The following B3GALT2 variants were observed in gnomAD, a reference collection of about 807,000 sequenced individuals.
B3GALT2 encodes the protein beta-1,3-galactosyltransferase 2, also known as UDP-Gal:betaGlcNAc beta 1,3-galactosyltransferase, polypeptide 2.
Under a neutral mutation model 33.5 loss-of-function variants are expected in B3GALT2, and 13 were observed. The observed-to-expected ratio is 0.39, with a 90% CI of 0.25 to 0.62. The LOEUF (loss-of-function observed/expected upper bound fraction) is 0.62. Ranked by LOEUF, B3GALT2 falls within the 20% of genes least tolerant of loss-of-function variation. The pLI is 0.53. For synonymous variants in B3GALT2, 195 were observed against 172.7 expected, an observed-to-expected ratio of 1.13 and a Z score of -1.01; for missense variants, 418 against 509.1, an observed-to-expected ratio of 0.82 and a Z score of 1.72.
intron 1 of B3GALT2, among the ~76,000 whole-genome samples, chr1:193,184,690 C>G (rs1431087986): frequency 6.6e-6 from 1 of 151,818 alleles, no homozygotes; most frequent in East Asian, 1.9e-4. Flanking sequence ...TTGGTGACTT[C>G]AATATTGAGA....
chr1:193,181,627 A>G lies in B3GALT2; in HGVS notation c.-65T>C. The stretch of plus-strand genomic sequence containing the variant: ...CCAAAAATGTTTTCTTCTCCTTAAT[A>G]CTATTCTTTGGCAATCATTTTCTAA... On this transcript the variant is annotated 5_prime_UTR_variant, in exon 2 of 2. Coordinates refer to ENST00000367434, the MANE Select transcript of B3GALT2 (RefSeq NM_003783.3). 2 of 1,368,122 alleles carry G rather than the reference A, an allele frequency of 1.5e-6. No individual in the cohort carries two copies. Among genetic ancestry groups the G allele is most frequent in the Non-Finnish European group, 2.0e-6 (2 of 1,001,576 alleles). 84.7% of individuals were successfully genotyped at this position (1,368,122 alleles called of 1,614,324 possible).
At chr1:193,184,842 A>G (rs1416212241) in intron 1 of B3GALT2, among the ~76,000 whole-genome samples, 1 of 151,954 alleles carries the variant, frequency 6.6e-6, no homozygotes, top group Non-Finnish European at 1.5e-5. Context: ...TTTAATCTTC[A>G]TTTTGGAATG....
intron 1 of B3GALT2, among the ~76,000 whole-genome samples, chr1:193,185,066 G>A (rs944983075): frequency 6.6e-5 from 10 of 151,946 alleles, no homozygotes; most frequent in African/African-American, 1.2e-4. Context: ...ATATAGTGGC[G>A]GTAGTTCATT....
intron 1 of B3GALT2, among the ~76,000 whole-genome samples, chr1:193,182,996 A>G (rs528282664): frequency 2.6e-5 from 4 of 152,180 alleles, no homozygotes; most frequent in Admixed American, 2.6e-4. Context: ...ATGCATAAAT[A>G]CATGTATGTA....
Position 193,180,619 on chromosome 1 carries a change from G to T in B3GALT2, c.944C>A (p.Thr315Asn), listed in dbSNP as rs1405308329. The change falls in exon 2 of 2, where the codon ACT (threonine) becomes AAT (asparagine). Residue 315 changes from threonine (T) to asparagine (N), a missense_variant. Physicochemically the swap from Thr to Asn is moderately conservative, Grantham distance 65. Coordinates refer to ENST00000367434, the MANE Select transcript of B3GALT2 (RefSeq NM_003783.3). The part of the protein sequence containing the change: ...SERYPVFCSG[T>N]GYVFSGDLAE... ...CAGATCTCCAGAAAAAACATAACCA[G>T]TTCCAGAACAGAAGACAGGATAACG... 2 of 1,614,104 alleles carry T rather than the reference G, an allele frequency of 1.2e-6. No individual in the cohort carries two copies. The highest frequency in any genetic ancestry group is 1.3e-5 in the African/African-American group (1 of 75,046).
At chr1:193,185,807 C>G (rs972087070) in intron 1 of B3GALT2, among the ~76,000 whole-genome samples, 3 of 151,950 alleles carry the variant, frequency 2.0e-5, no homozygotes, top group African/African-American at 7.3e-5. Flanking sequence ...TGTCTATTAC[C>G]CAGAATTACT....
rs1297298636 is a variant in B3GALT2 at position 193,179,404 on chromosome 1, C to G, written c.*890G>C. On this transcript the variant is annotated 3_prime_UTR_variant, in exon 2 of 2. Transcript: ENST00000367434. ...TTTCAACAGTACATCCTATTTGTGC[C>G]TTTAAGTGATTACTTTTGCTTCGAT... The G allele has an allele frequency of 2.0e-5, 3 of 152,568 alleles. No homozygotes were observed. Among genetic ancestry groups the G allele is most frequent in the Non-Finnish European group, 1.5e-5 (1 of 68,022 alleles). 9.5% of individuals were successfully genotyped at this position (152,568 alleles called of 1,614,324 possible).
intron 1 of B3GALT2, among the ~76,000 whole-genome samples, chr1:193,182,997 CATGT>C (rs963302567): frequency 2.0e-5 from 3 of 151,902 alleles, no homozygotes; most frequent in Non-Finnish European, 4.4e-5. Context: ...TGCATAAATA[CATGT>C]ATGTATTTAG....
intron 1 of B3GALT2, among the ~76,000 whole-genome samples, chr1:193,183,600 G>T (rs1183024858): frequency 6.6e-6 from 1 of 150,824 alleles, no homozygotes; most frequent in African/African-American, 2.4e-5. Context: ...TTAAATAGCT[G>T]GCCATTCTTT....
Position 193,180,684 on chromosome 1 carries a change from A to G in B3GALT2, c.879T>C (p.Asp293=), listed in dbSNP as rs956192261. 1.2e-5 allele frequency: 19 copies of G among 1,613,978 alleles called. No homozygotes were observed. Among genetic ancestry groups the G allele is most frequent in the East Asian group, 2.2e-5 (1 of 44,896 alleles). ...GGTCTGGTGGCATGTACCACTTGCT[A>G]TCTTTGTTTCGATTGGGTGCATATC... ...MRGYAPNRNK[D]SKWYMPPDLY... Residue 293 remains aspartate, a synonymous_variant, in exon 2 of 2, where the codon GAT becomes GAC. Transcript: ENST00000367434.
chr1:193,185,046 C>G (rs1439557398), intron 1 of B3GALT2, among the ~76,000 whole-genome samples: 2 of 152,016 alleles, frequency 1.3e-5, no homozygotes, highest in Non-Finnish European at 2.9e-5. Context: ...TATCTGTGCC[C>G]TGCACACACA....
rs1389069868 is a variant in B3GALT2, at chr1:193,186,199, C to T, written c.-301G>A. The T allele has an allele frequency of 1.3e-5, 2 of 152,892 alleles. No individual in the cohort carries two copies. The highest frequency in any genetic ancestry group is 2.9e-5 in the Non-Finnish European group (2 of 68,062). 9.5% of individuals were successfully genotyped at this position (152,892 alleles called of 1,614,324 possible). ...TCTGTCTGCTTGTCTTCGAGTTACC[C>T]TCCTTGTTCATATGGGTCCTAGTCT... On this transcript the variant is annotated 5_prime_UTR_variant, in exon 1 of 2. Transcript: ENST00000367434.
intron 1 of B3GALT2, among the ~76,000 whole-genome samples, 191 bp from the exon 2 acceptor site, chr1:193,181,873 G>A (rs1232897199): frequency 6.6e-6 from 1 of 152,074 alleles, no homozygotes; most frequent in Non-Finnish European, 1.5e-5. Context: ...TACCTTTGTA[G>A]CACAGTGAGC....
intron 1 of B3GALT2, among the ~76,000 whole-genome samples, chr1:193,182,658 A>T (rs896726015): frequency 2.6e-5 from 4 of 152,180 alleles, no homozygotes; most frequent in African/African-American, 9.6e-5. Flanking sequence ...ATGAGATGGC[A>T]ATATGTGAGG....
rs1676679700 is a variant in B3GALT2 at position 193,179,797 on chromosome 1, A to G, written c.*497T>C. The G allele has an allele frequency of 6.6e-6, 1 of 152,626 alleles. No homozygotes were observed. Among genetic ancestry groups the G allele is most frequent in the African/African-American group, 2.4e-5 (1 of 41,454 alleles). 9.5% of individuals were successfully genotyped at this position (152,626 alleles called of 1,614,324 possible). A position where few individuals can be genotyped will look rare whatever the true frequency, so the allele number is the denominator to read the frequency against. Reference sequence around the variant, plus strand: ...TATAATGTGTTTGTGGAATAACTCAACTAAATCTTATTGCATTTAGAACCC... The same window carrying G: ...TATAATGTGTTTGTGGAATAACTCAGCTAAATCTTATTGCATTTAGAACCC... On this transcript the variant is annotated 3_prime_UTR_variant, in exon 2 of 2. Coordinates refer to ENST00000367434, the MANE Select transcript of B3GALT2 (RefSeq NM_003783.3).
intron 1 of B3GALT2, among the ~76,000 whole-genome samples, chr1:193,185,180 A>G (rs1676784550): frequency 1.3e-5 from 2 of 152,084 alleles, no homozygotes; most frequent in African/African-American, 4.8e-5. Context: ...GTATTTCCAT[A>G]TTATGTTTTT....
chr1:193,184,446 G>C (rs1159567103), intron 1 of B3GALT2, among the ~76,000 whole-genome samples: 1 of 151,878 alleles, frequency 6.6e-6, no homozygotes, highest in East Asian at 1.9e-4. Context: ...ATTTTTAGAA[G>C]AGAAATAGCT....
At position 193,180,155 on chromosome 1, in the gene B3GALT2, A is replaced by G; in HGVS notation, c.*139T>C. 1 of 758,400 alleles carries G rather than the reference A, an allele frequency of 1.3e-6. No homozygotes were observed. Among genetic ancestry groups the G allele is most frequent in the Non-Finnish European group, 1.9e-6 (1 of 522,614 alleles). The allele number at this position is 758,400 out of a possible 1,614,324, so 47.0% of individuals were successfully genotyped here. ...TATAGTTTTAAGAATTAACTTCTTCAGAAATTAAAAAAATACTTCTTGAAT... is the reference window on the plus strand; with the variant it reads ...TATAGTTTTAAGAATTAACTTCTTCGGAAATTAAAAAAATACTTCTTGAAT... On this transcript the variant is annotated 3_prime_UTR_variant, in exon 2 of 2. Coordinates refer to ENST00000367434, the MANE Select transcript of B3GALT2 (RefSeq NM_003783.3).
chr1:193,185,501 G>T (rs1293021261), intron 1 of B3GALT2, among the ~76,000 whole-genome samples: 1 of 151,868 alleles, frequency 6.6e-6, no homozygotes, highest in East Asian at 1.9e-4. Context: ...TTAGGGAGAT[G>T]TTGGGGAAGA....
Sources: gnomAD v4.1 joint callset for allele counts (sites outside exome capture counted in the v4.1 genomes callset) on GRCh38, gnomAD v4.1.1 for gene constraint, MANE v1.5 for transcripts, NCBI Gene and HGNC (gene_info 2026-07-23, HGNC 2026-07-21) for gene names.